Variants in GNG12 observed in about 807,000 individuals in gnomAD.
The protein encoded by GNG12 is G protein subunit gamma 12, also known as guanine nucleotide-binding protein G(I)/G(S)/G(O) subunit gamma-12.
For synonymous variants in GNG12, 28 were observed against 29.7 expected, an observed-to-expected ratio of 0.94 and a Z score of 0.19; for missense variants, 69 against 83.8, an observed-to-expected ratio of 0.82 and a Z score of 0.69.
chr1:67,833,077 G>A (rs1647059824), intron 1 of GNG12, among the ~76,000 whole-genome samples: 2 of 151,476 alleles, frequency 1.3e-5, no homozygotes, highest in Admixed American at 6.6e-5. Context: ...GAGGGCGCGC[G>A]CGCCGTTTCT....
chr1:67,718,090 A>G (rs1646336715), intron 2 of GNG12, among the ~76,000 whole-genome samples: 1 of 152,162 alleles, frequency 6.6e-6, no homozygotes, highest in Admixed American at 6.5e-5. Flanking sequence ...GCTATGACCA[A>G]CCCACTTCAC....
chr1:67,776,896 G>A (rs563981470), intron 2 of GNG12, among the ~76,000 whole-genome samples: 16 of 152,266 alleles, frequency 1.1e-4, no homozygotes, highest in Non-Finnish European at 1.6e-4. Flanking sequence ...ATTAGGGAGT[G>A]ATGCTATATG....
chr1:67,816,066 G>A (rs12240195), intron 1 of GNG12, among the ~76,000 whole-genome samples: 11 of 152,352 alleles, frequency 7.2e-5, no homozygotes, highest in Non-Finnish European at 2.9e-5. Context: ...TTTATGAACC[G>A]CTGCCCTGGT....
intron 1 of GNG12, among the ~76,000 whole-genome samples, chr1:67,803,759 G>T (rs1456667947): frequency 6.6e-6 from 1 of 152,170 alleles, no homozygotes; most frequent in African/African-American, 2.4e-5. Context: ...TGAATACTTA[G>T]CACAAGTCTG....
At position 67,802,387 on chromosome 1, in the gene GNG12, A is replaced by T. The variant is rs188853103; in HGVS notation, c.-76-24880T>A. ...CTTAAAACCATTTAATTGGTTCCAA[A>T]CCCTTGTCGGCCAGGCACATATTGG... On this transcript the variant is annotated intron_variant, in intron 1 of 3. Coordinates refer to ENST00000370982, the MANE Select transcript of GNG12 (RefSeq NM_018841.6). Among the ~76,000 whole-genome samples, 38 of 152,048 alleles carry T rather than the reference A, an allele frequency of 2.5e-4. No individual in the cohort carries two copies. In the East Asian group the frequency reaches 7.4e-3, roughly 29 times the overall value.
chr1:67,747,265 G>A (rs1267513951), intron 2 of GNG12, among the ~76,000 whole-genome samples: 3 of 152,138 alleles, frequency 2.0e-5, no homozygotes, highest in Non-Finnish European at 2.9e-5. Context: ...GACTACAGGT[G>A]TGTGCCACCA....
chr1:67,760,581 A>G (rs949927770), intron 2 of GNG12, among the ~76,000 whole-genome samples: 4 of 152,200 alleles, frequency 2.6e-5, no homozygotes, highest in Non-Finnish European at 4.4e-5. Flanking sequence ...AAACCAAGGC[A>G]CAGAGAAATG....
chr1:67,735,326 C>A (rs1483035156), intron 2 of GNG12, among the ~76,000 whole-genome samples: 1 of 152,210 alleles, frequency 6.6e-6, no homozygotes, highest in Admixed American at 6.5e-5. Context: ...TGGCTTGCAG[C>A]ATTTCCCCAA....
chr1:67,751,790 G>C (rs969209735), intron 2 of GNG12, among the ~76,000 whole-genome samples: 1 of 152,166 alleles, frequency 6.6e-6, no homozygotes, highest in East Asian at 1.9e-4. Context: ...TGCTCTAGAA[G>C]AGTCAAACCC....
At chr1:67,803,674 C>G (rs77373685) in intron 1 of GNG12, among the ~76,000 whole-genome samples, 2,555 of 152,282 alleles carry the variant, frequency 0.017, 21 homozygotes, top group African/African-American at 0.019. Flanking sequence ...GTTATGTTCC[C>G]TTTTTAGAGA....
At chr1:67,827,648 C>T (rs191561525) in intron 1 of GNG12, among the ~76,000 whole-genome samples, 1 of 151,742 alleles carries the variant, frequency 6.6e-6, no homozygotes, top group Non-Finnish European at 1.5e-5. Flanking sequence ...GATGGTCTCG[C>T]TCTCCTGACC....
At chr1:67,760,892 G>C (rs1174691910) in intron 2 of GNG12, among the ~76,000 whole-genome samples, 1 of 152,200 alleles carries the variant, frequency 6.6e-6, no homozygotes, top group East Asian at 1.9e-4. Flanking sequence ...TCTGCTTCAA[G>C]AGTTTCATGT....
At chr1:67,771,886 T>C (rs546142932) in intron 2 of GNG12, among the ~76,000 whole-genome samples, 2 of 152,278 alleles carry the variant, frequency 1.3e-5, no homozygotes, top group East Asian at 3.9e-4. Context: ...TTGTGGAAAG[T>C]TTACATATGT....
chr1:67,751,744 T>A (rs984257747), intron 2 of GNG12, among the ~76,000 whole-genome samples: 3 of 152,226 alleles, frequency 2.0e-5, no homozygotes, highest in Non-Finnish European at 2.9e-5. Context: ...ACATCTCTTG[T>A]GTCTCTATGG....
intron 1 of GNG12, among the ~76,000 whole-genome samples, chr1:67,799,888 G>GT (rs979897732): frequency 4.7e-4 from 71 of 151,878 alleles, no homozygotes; most frequent in Non-Finnish European, 7.8e-4. Context: ...GAGACAGCTG[G>GT]TTTTTTTTGG....
At chr1:67,766,235 C>G (rs186971205) in intron 2 of GNG12, among the ~76,000 whole-genome samples, 3 of 151,838 alleles carry the variant, frequency 2.0e-5, no homozygotes, top group Admixed American at 6.6e-5. Context: ...TCAATCAGAA[C>G]AATAAAAATG....
At chr1:67,707,565 G>T in intron 3 of GNG12, 29 bp downstream of exon 3, 2 of 1,139,956 alleles carry the variant, frequency 1.8e-6, no homozygotes, top group Non-Finnish European at 2.7e-6. Flanking sequence ...TGAGCAGAAA[G>T]CATATGTTAT....
chr1:67,766,609 T>G (rs1646641698), intron 2 of GNG12, among the ~76,000 whole-genome samples: 3 of 151,748 alleles, frequency 2.0e-5, no homozygotes, highest in Admixed American at 1.3e-4. Context: ...GTTGGTGTTT[T>G]TTTTTTTTTT....
chr1:67,815,767 G>A (rs1008761255), intron 1 of GNG12, among the ~76,000 whole-genome samples: 6 of 152,104 alleles, frequency 3.9e-5, no homozygotes, highest in Admixed American at 3.9e-4. Context: ...GTGCCCAAAG[G>A]CTTCTCACAG....
Sources: gnomAD v4.1 joint callset for allele counts (sites outside exome capture counted in the v4.1 genomes callset) on GRCh38, gnomAD v4.1.1 for gene constraint, MANE v1.5 for transcripts, NCBI Gene and HGNC (gene_info 2026-07-23, HGNC 2026-07-21) for gene names.